The following PRKN variants were observed in gnomAD, a reference collection of about 807,000 sequenced individuals.
PRKN encodes the protein parkin RBR E3 ubiquitin protein ligase, also known as E3 ubiquitin-protein ligase parkin.
In PRKN, 56 loss-of-function variants were observed where a neutral mutation model predicts 59.5. That is an observed-to-expected ratio of 0.94 (90% CI 0.76 to 1.18). The LOEUF (loss-of-function observed/expected upper bound fraction) is 1.18. PRKN is among the 50% of genes most tolerant of loss of function. The pLI, the probability that PRKN is intolerant of heterozygous loss-of-function variation, is 0.00. For synonymous variants in PRKN, 250 were observed against 222.1 expected (o/e 1.13, Z -1.12); for missense variants, 657 against 596.4 (o/e 1.10, Z -1.06).
intron 2 of PRKN, among the ~76,000 whole-genome samples, chr6:162,392,984 G>T (rs1228881243): frequency 6.6e-6 from 1 of 151,492 alleles, no homozygotes; most frequent in East Asian, 1.9e-4. Context: ...GTGCTTTTAG[G>T]GCCACCATGC....
At chr6:161,998,142 G>A (rs967947406) in intron 5 of PRKN, among the ~76,000 whole-genome samples, 3 of 152,064 alleles carry the variant, frequency 2.0e-5, no homozygotes, top group Non-Finnish European at 2.9e-5. Flanking sequence ...TTTTTGGGAA[G>A]TATGAGATTT....
chr6:162,114,975 C>A (rs1265284559), intron 4 of PRKN, among the ~76,000 whole-genome samples: 1 of 151,436 alleles, frequency 6.6e-6, no homozygotes, highest in African/African-American at 2.4e-5. Context: ...TACCATTTGA[C>A]CCAGGCATCC....
At chr6:162,159,828 G>A (rs565650410) in intron 4 of PRKN, among the ~76,000 whole-genome samples, 2 of 152,206 alleles carry the variant, frequency 1.3e-5, no homozygotes. Context: ...TTGGCAAAAT[G>A]TAAGTGTAAT....
chr6:161,831,081 T>C (rs1408756443), intron 6 of PRKN, among the ~76,000 whole-genome samples: 2 of 152,220 alleles, frequency 1.3e-5, no homozygotes, highest in African/African-American at 2.4e-5. Flanking sequence ...TATATGGTCC[T>C]GTAAGAACCA....
chr6:161,683,102 G>T (rs987345929), intron 7 of PRKN, among the ~76,000 whole-genome samples: 1 of 152,190 alleles, frequency 6.6e-6, no homozygotes. Flanking sequence ...TTACTCATCT[G>T]GCAAGGGCCC....
At chr6:162,122,862 ATGTGGGAG>A (rs1457699160) in intron 4 of PRKN, among the ~76,000 whole-genome samples, 2 of 152,114 alleles carry the variant, frequency 1.3e-5, no homozygotes, top group Non-Finnish European at 1.5e-5. Context: ...CAACTGGATG[ATGTGGGAG>A]TGGCTGCTTT....
intron 6 of PRKN, among the ~76,000 whole-genome samples, chr6:161,854,372 A>G (rs1424367916): frequency 6.6e-6 from 1 of 152,158 alleles, no homozygotes; most frequent in African/African-American, 2.4e-5. Flanking sequence ...TTCGAAATGC[A>G]TATGTGATGA....
At chr6:162,062,760 C>A (rs181422522) in intron 4 of PRKN, among the ~76,000 whole-genome samples, 1 of 152,146 alleles carries the variant, frequency 6.6e-6, no homozygotes, top group African/African-American at 2.4e-5. Flanking sequence ...TTTGTCATGG[C>A]AGTCCTAGCA....
At position 162,245,604 on chromosome 6, in the gene PRKN, T is replaced by C. The variant is rs537688639; in HGVS notation, c.412+16921A>G. ...TCACGCTCAAATGGACCAAATAACCTTCATTTCCAGGAAGTTTGCCTCATG... is the reference window on the plus strand; with the variant it reads ...TCACGCTCAAATGGACCAAATAACCCTCATTTCCAGGAAGTTTGCCTCATG... On this transcript the variant is annotated intron_variant, in intron 3 of 11. Coordinates refer to ENST00000366898, the MANE Select transcript of PRKN (RefSeq NM_004562.3). 6.6e-4 allele frequency among the ~76,000 whole-genome samples: 100 copies of C among 152,266 alleles called. 1 individual carries two copies. The highest frequency in any genetic ancestry group is 2.0e-3 in the African/African-American group (82 of 41,552).
intron 3 of PRKN, among the ~76,000 whole-genome samples, chr6:162,235,899 A>AG (rs1230373627): frequency 5.3e-5 from 7 of 131,600 alleles, no homozygotes; most frequent in Non-Finnish European, 1.1e-4. Context: ...GAAAGAAAGA[A>AG]GGAAAGGAAG....
At chr6:162,133,531 G>A (rs1446470548) in intron 4 of PRKN, among the ~76,000 whole-genome samples, 1 of 152,122 alleles carries the variant, frequency 6.6e-6, no homozygotes, top group African/African-American at 2.4e-5. Context: ...CCAATGGGTA[G>A]CTGAATATAC....
rs546358890 is a variant in PRKN at position 162,687,193 on chromosome 6, T to C, written c.7+40469A>G. Among the ~76,000 whole-genome samples, 69 of 150,822 alleles carry C rather than the reference T, an allele frequency of 4.6e-4. 1 individual carries two copies. The South Asian group carries it at 0.014, about 31-fold the overall frequency. ...AGTTAAAAGAGCCTCTTTTTCTTTT[T>C]TTTTTTTTTTGAGACAGAGTTTCAC... On this transcript the variant is annotated intron_variant, in intron 1 of 11. Coordinates refer to ENST00000366898, the MANE Select transcript of PRKN (RefSeq NM_004562.3).
chr6:162,355,916 G>A (rs1784838682), intron 2 of PRKN, among the ~76,000 whole-genome samples: 1 of 152,068 alleles, frequency 6.6e-6, no homozygotes, highest in African/African-American at 2.4e-5. Context: ...ATTATTAAGA[G>A]CAAAGATCAA....
At chr6:161,809,927 G>A (rs992779915) in intron 6 of PRKN, among the ~76,000 whole-genome samples, 5 of 152,124 alleles carry the variant, frequency 3.3e-5, no homozygotes, top group African/African-American at 9.7e-5. Flanking sequence ...CCCTTAGGAC[G>A]TGTTTTTAAT....
At chr6:162,472,205 C>CA (rs764346675) in intron 1 of PRKN, among the ~76,000 whole-genome samples, 8 of 135,252 alleles carry the variant, frequency 5.9e-5, no homozygotes, top group Non-Finnish European at 1.2e-4. Context: ...ATTCCAAACT[C>CA]AAACTTTTTT....
At chr6:162,053,761 A>C (rs1006382547) in intron 5 of PRKN, among the ~76,000 whole-genome samples, 1 of 152,126 alleles carries the variant, frequency 6.6e-6, no homozygotes, top group Admixed American at 6.5e-5. Flanking sequence ...ATGCTTCTGT[A>C]ATTTTTCTTT....
At chr6:161,785,724 C>G in intron 7 of PRKN, 48 bp downstream of exon 7, 2 of 1,589,850 alleles carry the variant, frequency 1.3e-6, no homozygotes, top group Non-Finnish European at 1.7e-6. Flanking sequence ...AATTGTTCTT[C>G]TGTTCTTCAT....
In PRKN at chr6:162,551,930, CA is replaced by C. The variant is rs538755963; in HGVS notation, c.8-108458del. ...CACAGGTAATACAGAAGCAAATATA[CA>C]AAGTGTTCACTATAAAATACAAAAT... On this transcript the variant is annotated intron_variant, in intron 1 of 11. Transcript: ENST00000366898. Among the ~76,000 whole-genome samples the C allele has an allele frequency of 3.8e-4, 58 of 152,196 alleles. 3 individuals are homozygous for C. The South Asian group carries it at 0.012, about 31-fold the overall frequency.
At chr6:162,408,166 T>C (rs923438626) in intron 2 of PRKN, among the ~76,000 whole-genome samples, 5 of 152,066 alleles carry the variant, frequency 3.3e-5, no homozygotes, top group Non-Finnish European at 5.9e-5. Flanking sequence ...ATGGATCTTA[T>C]GAAAATAAAT....
Sources: gnomAD v4.1 joint callset for allele counts (sites outside exome capture counted in the v4.1 genomes callset) on GRCh38, gnomAD v4.1.1 for gene constraint, MANE v1.5 for transcripts, NCBI Gene and HGNC (gene_info 2026-07-23, HGNC 2026-07-21) for gene names.